The following SBNO1 variants were observed in gnomAD, a reference collection of about 807,000 sequenced individuals.
SBNO1 encodes the protein protein strawberry notch homolog 1.
SBNO1 carries 23 observed loss-of-function variants against 173.6 expected under a neutral mutation model. The observed-to-expected ratio is 0.13, with a 90% CI of 0.10 to 0.19. The LOEUF (loss-of-function observed/expected upper bound fraction) is 0.19. Ranked by LOEUF, SBNO1 falls within the 10% of genes least tolerant of loss-of-function variation. SBNO1 has a pLI of 1.00. For synonymous variants in SBNO1, 632 were observed against 571.5 expected (o/e 1.11, Z -1.51); for missense variants, 1,238 against 1,671.2 (o/e 0.74, Z 4.52).
chr12:123,351,624 A>T (rs926830500), intron 1 of SBNO1, among the ~76,000 whole-genome samples: 1 of 152,140 alleles, frequency 6.6e-6, no homozygotes, highest in African/African-American at 2.4e-5. Context: ...CAACTCAGTA[A>T]AGATAGAAAA....
In SBNO1 at chr12:123,331,296, G is replaced by T; in HGVS notation, c.989C>A (p.Thr330Lys). The change falls in exon 8 of 32, where the codon ACG becomes AAG. Residue 330 changes from threonine (T) to lysine (K), a missense_variant. Thr to Lys is a moderately conservative substitution (Grantham distance 78). Coordinates refer to ENST00000602398, the MANE Select transcript of SBNO1 (RefSeq NM_001167856.3). ...ATTTTCATAGATGATTCCTGCTATC[G>T]TCCTTCCTTTTCCTACACCGGCACC... ...GDGAGVGKGR[T>K]IAGIIYENYL... The T allele has an allele frequency of 6.2e-7, 1 of 1,613,830 alleles. No individual in the cohort carries two copies. Among genetic ancestry groups the T allele is most frequent in the Non-Finnish European group, 8.5e-7 (1 of 1,179,872 alleles).
intron 9 of SBNO1, among the ~76,000 whole-genome samples, chr12:123,329,246 T>A (rs750739824): frequency 2.2e-4 from 34 of 152,158 alleles, no homozygotes; most frequent in African/African-American, 8.2e-4. Flanking sequence ...CCAGGCATCG[T>A]GGTGCGTGTC....
chr12:123,357,749 T>A (rs1874632726), intron 1 of SBNO1, among the ~76,000 whole-genome samples: 1 of 152,144 alleles, frequency 6.6e-6, no homozygotes. Flanking sequence ...GGAGACTCCA[T>A]CTCAGAAACA....
rs930219785 is a variant in SBNO1 at position 123,364,607 on chromosome 12, C to A, written c.-1+94G>T. 3.5e-5 allele frequency: 34 copies of A among 968,308 alleles called. No individual in the cohort carries two copies. In the South Asian group the frequency reaches 1.5e-3, roughly 41 times the overall value. 60.0% of individuals were successfully genotyped at this position (968,308 alleles called of 1,614,324 possible). A position where few individuals can be genotyped will look rare whatever the true frequency, so the allele number is the denominator to read the frequency against. On this transcript the variant is annotated intron_variant, in intron 1 of 31. Transcript: ENST00000602398. ...AGCCGGGGCGAGGTGGCTGTCCCCC[C>A]AGCCTGGCCCCGCACGGCCCCCCGA...
At chr12:123,317,937 T>A (rs1420645636) in intron 20 of SBNO1, among the ~76,000 whole-genome samples, 1 of 152,218 alleles carries the variant, frequency 6.6e-6, no homozygotes, top group Admixed American at 6.5e-5. Flanking sequence ...ACCTACAATC[T>A]TGAAAATACG....
chr12:123,360,710 C>A (rs1318529727), intron 1 of SBNO1, among the ~76,000 whole-genome samples: 1 of 152,018 alleles, frequency 6.6e-6, no homozygotes, highest in African/African-American at 2.4e-5. Flanking sequence ...CCTCAAAGTG[C>A]TGGGATTACA....
intron 29 of SBNO1, 27 bp downstream of exon 29, chr12:123,304,555 T>C (rs1271929354): frequency 1.4e-6 from 2 of 1,457,526 alleles, no homozygotes; most frequent in African/African-American, 1.4e-5. Context: ...TATTCCTATA[T>C]AATATAATGT....
At chr12:123,310,253 C>T (rs181210520) in intron 25 of SBNO1, among the ~76,000 whole-genome samples, 271 of 152,268 alleles carry the variant, frequency 1.8e-3, no homozygotes, top group African/African-American at 6.2e-3. Context: ...TTTCTTGAGA[C>T]GGAGTCTTGC....
intron 2 of SBNO1, 148 bp from the exon 3 acceptor site, chr12:123,348,281 T>C: frequency 2.0e-6 from 1 of 508,814 alleles, no homozygotes; most frequent in Non-Finnish European, 3.6e-6. Context: ...GTAATAATCT[T>C]TGCAAGCACA....
chr12:123,358,084 C>T (rs1211776863), intron 1 of SBNO1, among the ~76,000 whole-genome samples: 1 of 152,198 alleles, frequency 6.6e-6, no homozygotes, highest in Non-Finnish European at 1.5e-5. Flanking sequence ...TTTGGAATAC[C>T]TGTACATACA....
intron 23 of SBNO1, among the ~76,000 whole-genome samples, chr12:123,314,190 C>CA (rs759253093): frequency 6.6e-6 from 1 of 151,924 alleles, no homozygotes. Context: ...TTTTTGGAGA[C>CA]AGAGTTTTGC....
At chr12:123,331,751 A>C (rs1871238324) in intron 7 of SBNO1, among the ~76,000 whole-genome samples, 1 of 151,912 alleles carries the variant, frequency 6.6e-6, no homozygotes, top group Non-Finnish European at 1.5e-5. Context: ...CGATCTCCTG[A>C]CCTCGTGATC....
chr12:123,360,067 C>T (rs1418502646), intron 1 of SBNO1, among the ~76,000 whole-genome samples: 1 of 152,002 alleles, frequency 6.6e-6, no homozygotes, highest in Non-Finnish European at 1.5e-5. Context: ...TGATGAAACC[C>T]TGTATCTACT....
intron 5 of SBNO1, 26 bp downstream of exon 5, chr12:123,340,962 T>TA: frequency 1.5e-6 from 2 of 1,361,784 alleles, no homozygotes; most frequent in South Asian, 1.2e-5. Context: ...TACACAAAAA[T>TA]AAAGACACAG....
At chr12:123,312,921 G>A (rs571244610) in intron 24 of SBNO1, among the ~76,000 whole-genome samples, 6 of 151,828 alleles carry the variant, frequency 4.0e-5, no homozygotes, top group African/African-American at 1.4e-4. Context: ...AAGCTATTTG[G>A]GGCTGGGCAC....
At chr12:123,339,687 T>A (rs1872298143) in intron 5 of SBNO1, among the ~76,000 whole-genome samples, 1 of 152,086 alleles carries the variant, frequency 6.6e-6, no homozygotes, top group Non-Finnish European at 1.5e-5. Context: ...CTCAGGAAGC[T>A]GAGGCAGAAG....
intron 5 of SBNO1, among the ~76,000 whole-genome samples, 163 bp downstream of exon 5, chr12:123,340,825 A>C (rs1380913808): frequency 6.6e-6 from 1 of 152,132 alleles, no homozygotes; most frequent in South Asian, 2.1e-4. Flanking sequence ...GTTAGTATCT[A>C]TATTACTCCA....
At chr12:123,321,145 G>C (rs1869923145) in intron 17 of SBNO1, among the ~76,000 whole-genome samples, 1 of 151,992 alleles carries the variant, frequency 6.6e-6, no homozygotes, top group Non-Finnish European at 1.5e-5. Flanking sequence ...TTCCACGTTG[G>C]TCAGGCTGAT....
chr12:123,302,514 G>C (rs1411424948), intron 30 of SBNO1, among the ~76,000 whole-genome samples: 2 of 152,142 alleles, frequency 1.3e-5, no homozygotes, highest in Non-Finnish European at 1.5e-5. Context: ...AAAGTGCTGG[G>C]ATTACAGGCG....
Sources: allele counts gnomAD v4.1 joint callset (sites outside exome capture counted in the v4.1 genomes callset), GRCh38; gene constraint gnomAD v4.1.1; transcripts MANE v1.5; gene names NCBI Gene and HGNC (gene_info 2026-07-23, HGNC 2026-07-21).